Variants in FRY observed in about 807,000 individuals in gnomAD.
FRY encodes the protein FRY microtubule binding protein.
FRY carries 128 observed loss-of-function variants against 348.4 expected under a neutral mutation model. The ratio of observed to expected loss-of-function variants is 0.37; its 90% CI spans 0.32 to 0.43. The LOEUF is 0.43. Among genes scored for constraint, FRY ranks in the 20% least tolerant of loss-of-function variants. FRY has a pLI of 1.00. For missense variants in FRY, 2,736 were observed against 3,695.2 expected (o/e 0.74, Z 6.73); for synonymous variants, 1,370 against 1,374.7 (o/e 1.00, Z 0.08).
chr13:32,134,122 A>G (rs1373557348), intron 8 of FRY, among the ~76,000 whole-genome samples: 1 of 152,104 alleles, frequency 6.6e-6, no homozygotes, highest in Non-Finnish European at 1.5e-5. Context: ...ATAGACCACA[A>G]TAAGTTACTA....
In FRY at chr13:32,100,973, G is replaced by A. The variant is rs117120366; in HGVS notation, c.271-990G>A. Among the ~76,000 whole-genome samples the A allele has an allele frequency of 3.6e-4, 54 of 151,000 alleles. No homozygotes were observed. The East Asian group carries it at 5.2e-3, about 15-fold the overall frequency. On this transcript the variant is annotated intron_variant, in intron 2 of 60. Transcript: ENST00000542859. ...ACACCATCACCTTGAAGGTTTCAGC[G>A]TATGAATTTTTGGGGGATACATTGA... is the stretch of plus-strand genomic sequence containing the variant.
At chr13:32,126,506 G>A (rs1353458318) in intron 7 of FRY, among the ~76,000 whole-genome samples, 3 of 152,168 alleles carry the variant, frequency 2.0e-5, no homozygotes. Flanking sequence ...TTTTCGTGAT[G>A]TCAGTATTTG....
At chr13:32,034,024 T>G (rs1023243920) in intron 1 of FRY, among the ~76,000 whole-genome samples, 1 of 152,208 alleles carries the variant, frequency 6.6e-6, no homozygotes, top group African/African-American at 2.4e-5. Context: ...GGATGCACCA[T>G]GAGGCAAGCG....
chr13:32,139,407 C>T (rs1360499547), intron 11 of FRY, among the ~76,000 whole-genome samples: 1 of 152,154 alleles, frequency 6.6e-6, no homozygotes, highest in East Asian at 1.9e-4. Flanking sequence ...GCACCTGAAT[C>T]CCACATGCTG....
intron 17 of FRY, among the ~76,000 whole-genome samples, chr13:32,162,048 T>C (rs1881471797): frequency 6.6e-6 from 1 of 152,156 alleles, no homozygotes; most frequent in Non-Finnish European, 1.5e-5. Context: ...CAAAAGTCAT[T>C]GGTTTGGAGG....
intron 3 of FRY, among the ~76,000 whole-genome samples, chr13:32,103,746 C>T (rs1466595411): frequency 5.9e-5 from 9 of 152,154 alleles, no homozygotes; most frequent in Non-Finnish European, 1.3e-4. Context: ...AGGTGGATCT[C>T]CTGAGCCCAA....
chr13:32,116,958 G>T (rs1290240161), intron 3 of FRY, among the ~76,000 whole-genome samples: 1 of 152,116 alleles, frequency 6.6e-6, no homozygotes, highest in African/African-American at 2.4e-5. Context: ...TAATGTAACT[G>T]TATTCATATA....
Position 32,171,202 on chromosome 13 carries a change from C to G in FRY, c.2083C>G (p.Gln695Glu). 6.2e-7 allele frequency: 1 copy of G among 1,612,822 alleles called. No individual in the cohort carries two copies. The highest frequency in any genetic ancestry group is 8.5e-7 in the Non-Finnish European group (1 of 1,179,012). Residue 695 changes from glutamine (Q) to glutamate (E), a missense_variant, in exon 18 of 61, where the codon CAG becomes GAG. Around this residue, in one of 9 missense-constraint regions of FRY, gnomAD observed 449 missense variants for 576.9 expected, o/e 0.78. Transcript: ENST00000542859. ...GAAGTTGCTGCTGCAGCTGCTCACCCAGTGGAAACTAGTCATCCAGACACA... is the reference window on the plus strand; with the variant it reads ...GAAGTTGCTGCTGCAGCTGCTCACCGAGTGGAAACTAGTCATCCAGACACA... ...SLKLLLQLLT[Q>E]WKLVIQTQGK...
At position 32,278,452 on chromosome 13, in the gene FRY, C is replaced by G; in HGVS notation, c.8386-13C>G. On this transcript the variant is annotated splice_polypyrimidine_tract_variant and intron_variant, in intron 57 of 60. Transcript: ENST00000542859. The stretch of plus-strand genomic sequence containing the variant: ...GCTGAATTTACCTATGTCTTTCCCT[C>G]TCTTTCTGACAGTGGCTTGCAAATT... The G allele has an allele frequency of 6.9e-7, 1 of 1,457,178 alleles. No homozygotes were observed. The highest frequency in any genetic ancestry group is 9.6e-7 in the Non-Finnish European group (1 of 1,037,124). 90.3% of individuals were successfully genotyped at this position (1,457,178 alleles called of 1,614,324 possible). A position where few individuals can be genotyped will look rare whatever the true frequency, so the allele number is the denominator to read the frequency against.
intron 1 of FRY, among the ~76,000 whole-genome samples, chr13:32,062,619 T>C (rs1240001884): frequency 1.3e-5 from 2 of 152,140 alleles, no homozygotes; most frequent in African/African-American, 4.8e-5. Context: ...AAGAATTTAA[T>C]AAAACCTAAA....
chr13:32,050,870 C>G (rs1015177220), intron 1 of FRY, among the ~76,000 whole-genome samples: 17 of 152,206 alleles, frequency 1.1e-4, no homozygotes, highest in African/African-American at 4.1e-4. Context: ...TACACCTGTA[C>G]TATCTTGTGC....
intron 1 of FRY, among the ~76,000 whole-genome samples, chr13:32,051,745 C>T (rs1873341376): frequency 1.3e-5 from 2 of 152,202 alleles, no homozygotes; most frequent in African/African-American, 4.8e-5. Flanking sequence ...GTACAAAACA[C>T]TGCAGCAGAA....
rs1348535317 is a variant in FRY, at chr13:32,231,126, T to A, written c.5406-53T>A. 5 of 1,582,366 alleles carry A rather than the reference T, an allele frequency of 3.2e-6. No homozygotes were observed. The African/African-American group carries it at 6.7e-5, about 21-fold the overall frequency. On this transcript the variant is annotated intron_variant, in intron 40 of 60. Coordinates refer to ENST00000542859, the MANE Select transcript of FRY (RefSeq NM_023037.3). ...GGAGTCAGGACTGTATGTGTAGTTT[T>A]AAAAATGCAAAATGACAGTTATATT...
At chr13:32,180,941 A>G (rs1367554710) in intron 23 of FRY, among the ~76,000 whole-genome samples, 2 of 152,044 alleles carry the variant, frequency 1.3e-5, no homozygotes, top group East Asian at 3.9e-4. Flanking sequence ...CCCAAGCTGG[A>G]GTTCAGTGGC....
chr13:32,155,601 G>A lies in FRY; in HGVS notation c.1590G>A (p.Thr530=), dbSNP rs750895679. The A allele has an allele frequency of 2.4e-5, 39 of 1,613,542 alleles. No homozygotes were observed. The highest frequency in any genetic ancestry group is 5.0e-5 in the Admixed American group (3 of 59,998). Residue 530 remains threonine, a synonymous_variant, in exon 15 of 61, where the codon ACG becomes ACA. Transcript: ENST00000542859. Reference sequence around the variant, plus strand: ...GAGCCGTTCTTCCTTCAGGAAACACGTTAAGAGTAAAGAAAACATATTTGA... The same window carrying A: ...GAGCCGTTCTTCCTTCAGGAAACACATTAAGAGTAAAGAAAACATATTTGA... ...VTGAVLPSGN[T]LRVKKTYLSK...
At chr13:32,262,210 A>G in intron 52 of FRY, 104 bp from the exon 53 acceptor site, 1 of 872,316 alleles carries the variant, frequency 1.1e-6, no homozygotes, top group Non-Finnish European at 1.9e-6. Context: ...TGAAATGTGG[A>G]AGTTAAAAAA....
At chr13:32,210,186 T>C (rs1037096776) in intron 33 of FRY, among the ~76,000 whole-genome samples, 8 of 152,224 alleles carry the variant, frequency 5.3e-5, no homozygotes, top group Non-Finnish European at 8.8e-5. Context: ...GAAGTAAGCA[T>C]GGAGAAATCC....
intron 4 of FRY, among the ~76,000 whole-genome samples, chr13:32,119,577 C>A (rs2138702100): frequency 6.6e-6 from 1 of 152,270 alleles, no homozygotes; most frequent in East Asian, 1.9e-4. Flanking sequence ...CCCTTAGCAT[C>A]CAGCACAAAA....
At chr13:32,271,609 AC>A (rs1888207300) in intron 55 of FRY, among the ~76,000 whole-genome samples, 1 of 152,216 alleles carries the variant, frequency 6.6e-6, no homozygotes. Context: ...CTCTCTAGCA[AC>A]TTCTGAGAGA....
Sources: allele counts gnomAD v4.1 joint callset (sites outside exome capture counted in the v4.1 genomes callset), GRCh38; gene constraint gnomAD v4.1.1; regional missense constraint gnomAD v4.1.1; transcripts MANE v1.5; gene names NCBI Gene and HGNC (gene_info 2026-07-23, HGNC 2026-07-21).